Variants in ARHGAP26 observed in about 807,000 individuals in gnomAD.
The protein encoded by ARHGAP26 is Rho GTPase activating protein 26.
Under a neutral mutation model 104.8 loss-of-function variants are expected in ARHGAP26, and 38 were observed. That is an observed-to-expected ratio of 0.36 (90% CI 0.28 to 0.48). The LOEUF is 0.48. Ranked by LOEUF, ARHGAP26 falls within the 20% of genes least tolerant of loss-of-function variation. The pLI is 0.99. For missense variants in ARHGAP26, 704 were observed against 947.9 expected (o/e 0.74, Z 3.38); for synonymous variants, 341 against 340.0 (o/e 1.00, Z -0.03).
intron 12 of ARHGAP26, among the ~76,000 whole-genome samples, chr5:143,030,038 T>C (rs1781635123): frequency 6.6e-6 from 1 of 152,214 alleles, no homozygotes; most frequent in African/African-American, 2.4e-5. Flanking sequence ...ACTATATATA[T>C]GTGTCCATCA....
intron 1 of ARHGAP26, among the ~76,000 whole-genome samples, chr5:142,821,481 C>G (rs1425238195): frequency 6.6e-6 from 1 of 151,930 alleles, no homozygotes; most frequent in African/African-American, 2.4e-5. Context: ...ATTATAGTCT[C>G]AGAGTCATCT....
At chr5:142,985,297 A>G (rs868197964) in intron 11 of ARHGAP26, among the ~76,000 whole-genome samples, 20 of 152,248 alleles carry the variant, frequency 1.3e-4, no homozygotes, top group South Asian at 2.1e-4. Context: ...GTAAAGTTAC[A>G]GTAAACTAAG....
At chr5:142,970,002 A>G (rs1772000751) in intron 11 of ARHGAP26, among the ~76,000 whole-genome samples, 1 of 152,214 alleles carries the variant, frequency 6.6e-6, no homozygotes, top group African/African-American at 2.4e-5. Flanking sequence ...GTAGGCAGAA[A>G]GGAAGAATAC....
At chr5:143,103,777 A>G (rs1203283614) in intron 17 of ARHGAP26, among the ~76,000 whole-genome samples, 2 of 152,156 alleles carry the variant, frequency 1.3e-5, no homozygotes, top group Non-Finnish European at 2.9e-5. Context: ...GGGGCACAGC[A>G]TACACCGGGA....
At chr5:142,875,251 G>T in intron 3 of ARHGAP26, 80 bp downstream of exon 3, 1 of 1,372,598 alleles carries the variant, frequency 7.3e-7, no homozygotes, top group Non-Finnish European at 1.0e-6. Flanking sequence ...AGAAGAACTA[G>T]ATTCAAATCC....
chr5:142,876,228 C>T (rs1223006092), intron 3 of ARHGAP26, among the ~76,000 whole-genome samples: 1 of 152,152 alleles, frequency 6.6e-6, no homozygotes, highest in Non-Finnish European at 1.5e-5. Flanking sequence ...CTCTAAAGTC[C>T]TAGGAAATAC....
intron 1 of ARHGAP26, among the ~76,000 whole-genome samples, chr5:142,791,433 G>T (rs1759789401): frequency 6.6e-6 from 1 of 152,166 alleles, no homozygotes; most frequent in Non-Finnish European, 1.5e-5. Flanking sequence ...GAGAGAAATT[G>T]AATGTTTCTA....
intron 11 of ARHGAP26, among the ~76,000 whole-genome samples, chr5:142,964,216 A>G (rs1027828356): frequency 1.3e-5 from 2 of 152,216 alleles, no homozygotes; most frequent in Admixed American, 1.3e-4. Context: ...ATGAAGACAT[A>G]AAAAAGATAA....
intron 20 of ARHGAP26, chr5:143,165,318 A>C (rs1801787314): frequency 6.6e-6 from 1 of 152,018 alleles, no homozygotes; most frequent in South Asian, 2.1e-4. Flanking sequence ...GAGGGAGGAG[A>C]GATGAGGGTG....
At chr5:143,156,939 CATCA>C (rs1471686661) in intron 20 of ARHGAP26, among the ~76,000 whole-genome samples, 2 of 152,198 alleles carry the variant, frequency 1.3e-5, no homozygotes, top group African/African-American at 4.8e-5. Context: ...AGGGTGGGTG[CATCA>C]ATTAATCAAG....
chr5:143,036,830 G>A lies in ARHGAP26; in HGVS notation c.1145-366G>A, dbSNP rs1353484983. 2.6e-5 allele frequency among the ~76,000 whole-genome samples: 4 copies of A among 152,282 alleles called. No homozygotes were observed. The East Asian group carries it at 5.8e-4, about 22-fold the overall frequency. ...CACTTAATTTGTGCTTTTTGAAGGA[G>A]ACCGCAATTAGTTCTACAGCTTCTG... On this transcript the variant is annotated intron_variant, in intron 12 of 22. Coordinates refer to ENST00000645722, the MANE Select transcript of ARHGAP26 (RefSeq NM_001135608.3).
chr5:143,084,593 G>A (rs980865101), intron 17 of ARHGAP26, among the ~76,000 whole-genome samples: 8 of 152,124 alleles, frequency 5.3e-5, no homozygotes, highest in Admixed American at 1.3e-4. Flanking sequence ...CCTCTCCAGC[G>A]TGGCATACAA....
chr5:143,178,888 T>C (rs75290588), intron 20 of ARHGAP26, among the ~76,000 whole-genome samples: 3 of 151,216 alleles, frequency 2.0e-5, no homozygotes, highest in East Asian at 1.9e-4. Flanking sequence ...TTTTTTTTTT[T>C]CCAAGGAGTC....
chr5:143,081,344 T>A (rs1789782549), intron 17 of ARHGAP26, among the ~76,000 whole-genome samples: 1 of 152,146 alleles, frequency 6.6e-6, no homozygotes, highest in Non-Finnish European at 1.5e-5. Context: ...TTGGCTGTAT[T>A]CTAGTCAGGA....
At chr5:142,838,132 C>T (rs1018580820) in intron 1 of ARHGAP26, among the ~76,000 whole-genome samples, 3 of 151,972 alleles carry the variant, frequency 2.0e-5, no homozygotes, top group South Asian at 2.1e-4. Flanking sequence ...TGGGTGGGCA[C>T]CTATAATCCC....
intron 14 of ARHGAP26, among the ~76,000 whole-genome samples, chr5:143,042,105 G>A (rs1037016499): frequency 3.9e-5 from 6 of 152,184 alleles, no homozygotes; most frequent in Non-Finnish European, 7.4e-5. Context: ...AAAAATGCCA[G>A]GGCCCAGACA....
At chr5:142,958,684 A>AAGTAGATT in intron 11 of ARHGAP26, among the ~76,000 whole-genome samples, 1 of 152,090 alleles carries the variant, frequency 6.6e-6, no homozygotes. Context: ...AAAACAGTAT[A>AAGTAGATT]AGTAGATTCC....
At chr5:143,109,914 A>G (rs994063275) in intron 17 of ARHGAP26, among the ~76,000 whole-genome samples, 5 of 152,200 alleles carry the variant, frequency 3.3e-5, no homozygotes, top group African/African-American at 1.2e-4. Flanking sequence ...AGTGGCCTGC[A>G]AAGTTTTCCA....
intron 11 of ARHGAP26, among the ~76,000 whole-genome samples, chr5:143,007,498 C>A (rs574037167): frequency 3.8e-4 from 58 of 152,292 alleles, no homozygotes; most frequent in African/African-American, 1.3e-3. Flanking sequence ...ATTTTAATTA[C>A]TGCTTAGCCT....
Sources: gnomAD v4.1 joint callset for allele counts (sites outside exome capture counted in the v4.1 genomes callset) on GRCh38, gnomAD v4.1.1 for gene constraint, MANE v1.5 for transcripts, NCBI Gene and HGNC (gene_info 2026-07-23, HGNC 2026-07-21) for gene names.